HSPA12A: variants seen among roughly 807,000 people sequenced by gnomAD.
HSPA12A encodes the protein heat shock 70 kDa protein 12A.
A neutral mutation model predicts 69.2 loss-of-function variants in HSPA12A; 28 were observed. The ratio of observed to expected loss-of-function variants is 0.40; its 90% CI spans 0.30 to 0.55. The LOEUF (loss-of-function observed/expected upper bound fraction) is 0.55, where lower values mean the gene tolerates loss of function less well. Among genes scored for constraint, HSPA12A ranks in the 20% least tolerant of loss-of-function variants. The pLI is 0.38. For missense variants in HSPA12A, 686 were observed against 900.7 expected (o/e 0.76, Z 3.05); for synonymous variants, 345 against 370.5 (o/e 0.93, Z 0.79).
intron 2 of HSPA12A, among the ~76,000 whole-genome samples, chr10:116,791,837 A>G (rs1844707310): frequency 6.6e-6 from 1 of 151,176 alleles, no homozygotes; most frequent in African/African-American, 2.4e-5. Flanking sequence ...AGAATCTTCC[A>G]TCTCGGTAAA....
At chr10:116,698,817 G>T in intron 4 of HSPA12A, 78 bp from the exon 5 acceptor site, 1 of 1,150,148 alleles carries the variant, frequency 8.7e-7, no homozygotes. Context: ...ACTGCTCCAA[G>T]GGGACCTAGA....
intron 1 of HSPA12A, chr10:116,849,480 G>A: frequency 1.4e-6 from 2 of 1,421,150 alleles, no homozygotes; most frequent in South Asian, 1.6e-5. Context: ...AGATCTGGGG[G>A]TCGGGATCAC....
intron 1 of HSPA12A, among the ~76,000 whole-genome samples, chr10:116,838,426 G>A (rs915792850): frequency 6.6e-6 from 1 of 151,114 alleles, no homozygotes; most frequent in African/African-American, 2.5e-5. Context: ...ATTTCTGGAG[G>A]GGGGGAAAAC....
At chr10:116,718,006 CA>C (rs1850659992) in intron 1 of HSPA12A, among the ~76,000 whole-genome samples, 1 of 152,144 alleles carries the variant, frequency 6.6e-6, no homozygotes, top group Non-Finnish European at 1.5e-5. Context: ...GCCATATGAC[CA>C]CAGCTTGAGC....
intron 2 of HSPA12A, among the ~76,000 whole-genome samples, chr10:116,809,025 G>A (rs577701434): frequency 2.0e-5 from 3 of 152,240 alleles, no homozygotes; most frequent in Admixed American, 1.3e-4. Flanking sequence ...CTTCCTAGAG[G>A]GCTGTCCTAT....
chr10:116,812,050 G>A (rs1168024897), intron 2 of HSPA12A, among the ~76,000 whole-genome samples: 1 of 152,200 alleles, frequency 6.6e-6, no homozygotes, highest in Admixed American at 6.5e-5. Flanking sequence ...GGCTGAGTGG[G>A]AGACGGAGAG....
chr10:116,700,968 A>C lies in HSPA12A; in HGVS notation c.416T>G (p.Phe139Cys), dbSNP rs1850062727. 6.2e-7 allele frequency: 1 copy of C among 1,613,780 alleles called. No individual in the cohort carries two copies. The highest frequency in any genetic ancestry group is 8.5e-7 in the Non-Finnish European group (1 of 1,179,998). ...EAKQWLYLEK[F>C]KMKLHTTGDL... ...CCCAGTGGTGTGCAGCTTCATCTTG[A>C]ACTTCTCCAGGTACAGCCACTGCTT... Residue 139 changes from phenylalanine to cysteine, a missense_variant, in exon 4 of 12, where the codon TTC (phenylalanine) becomes TGC (cysteine). Coordinates refer to ENST00000369209, the MANE Select transcript of HSPA12A (RefSeq NM_025015.3).
intron 1 of HSPA12A, among the ~76,000 whole-genome samples, chr10:116,734,431 T>C (rs11197807): frequency 0.012 from 1,561 of 128,220 alleles, 12 homozygotes; most frequent in Non-Finnish European, 0.019. Flanking sequence ...GCTTGGGCAA[T>C]AGAGCGAGAC....
chr10:116,803,660 G>A (rs984762952), intron 2 of HSPA12A, among the ~76,000 whole-genome samples: 2 of 152,170 alleles, frequency 1.3e-5, no homozygotes, highest in Admixed American at 6.5e-5. Flanking sequence ...GGGAATGATC[G>A]GAGCGTGAAC....
In HSPA12A at chr10:116,706,957, C is replaced by T. The variant is rs562477210; in HGVS notation, c.126+243G>A. ...CCCACCCAGGCCCCTGCTCCAGAAGCACTAGCCACAGCACAGAAAGCCTTC... is the reference window on the plus strand; with the variant it reads ...CCCACCCAGGCCCCTGCTCCAGAAGTACTAGCCACAGCACAGAAAGCCTTC... On this transcript the variant is annotated intron_variant, in intron 2 of 11. Transcript: ENST00000369209. Among the ~76,000 whole-genome samples, 6 of 152,320 alleles carry T rather than the reference C, an allele frequency of 3.9e-5. No homozygotes were observed. In the South Asian group the frequency reaches 1.2e-3, roughly 32 times the overall value.
chr10:116,726,027 G>GCGCGCGCACACACACA lies in HSPA12A; in HGVS notation c.40+16402_40+16403insTGTGTGTGTGCGCGCG, dbSNP rs140160132. Among the ~76,000 whole-genome samples the GCGCGCGCACACACACA allele has an allele frequency of 6.8e-4, 100 of 146,220 alleles. 1 individual carries two copies. The South Asian group carries it at 0.015, about 22-fold the overall frequency. On this transcript the variant is annotated intron_variant, in intron 1 of 11. Coordinates refer to ENST00000369209, the MANE Select transcript of HSPA12A (RefSeq NM_025015.3). ...ACAAGGTTTAGACACACACACACAC[G>GCGCGCGCACACACACA]CACACACACACACACACACACACAC... is the stretch of plus-strand genomic sequence containing the variant.
chr10:116,764,202 T>C (rs1276155943), intron 2 of HSPA12A, among the ~76,000 whole-genome samples: 5 of 152,228 alleles, frequency 3.3e-5, no homozygotes, highest in African/African-American at 1.2e-4. Context: ...CATAGCTGCA[T>C]GTATTATAGA....
At chr10:116,789,730 G>A (rs1178675457) in intron 2 of HSPA12A, among the ~76,000 whole-genome samples, 1 of 152,162 alleles carries the variant, frequency 6.6e-6, no homozygotes, top group African/African-American at 2.4e-5. Context: ...ACGTCGTAGA[G>A]TGAAGCTGAC....
At chr10:116,778,654 C>T (rs1327013333) in intron 2 of HSPA12A, among the ~76,000 whole-genome samples, 1 of 152,220 alleles carries the variant, frequency 6.6e-6, no homozygotes, top group Non-Finnish European at 1.5e-5. Context: ...TAAATCCCAG[C>T]ATGTTGGGAG....
At chr10:116,777,741 G>A (rs747872373) in intron 2 of HSPA12A, among the ~76,000 whole-genome samples, 2 of 152,202 alleles carry the variant, frequency 1.3e-5, no homozygotes, top group Non-Finnish European at 2.9e-5. Context: ...AGTTTGTTTT[G>A]TTTTGAGACG....
At chr10:116,773,253 G>T (rs764008436) in intron 2 of HSPA12A, among the ~76,000 whole-genome samples, 2 of 152,208 alleles carry the variant, frequency 1.3e-5, no homozygotes, top group Admixed American at 6.5e-5. Flanking sequence ...GAACTGGCCT[G>T]GGATGAGGCC....
chr10:116,713,816 A>C (rs1172290614), intron 1 of HSPA12A, among the ~76,000 whole-genome samples: 1 of 152,116 alleles, frequency 6.6e-6, no homozygotes, highest in Non-Finnish European at 1.5e-5. Context: ...TCAACCTTAC[A>C]GCCCTTCCCT....
intron 1 of HSPA12A, among the ~76,000 whole-genome samples, chr10:116,843,469 G>A (rs1225136243): frequency 6.6e-6 from 1 of 152,116 alleles, no homozygotes; most frequent in Non-Finnish European, 1.5e-5. Context: ...AATCTGACAT[G>A]GATTTTTTAA....
intron 2 of HSPA12A, 68 bp from the exon 3 acceptor site, chr10:116,705,346 G>T: frequency 6.4e-7 from 1 of 1,574,356 alleles, no homozygotes; most frequent in Non-Finnish European, 8.7e-7. Context: ...GACACCCCTG[G>T]GGGGTCTCAC....
Sources: gnomAD v4.1 joint callset for allele counts (sites outside exome capture counted in the v4.1 genomes callset) on GRCh38, gnomAD v4.1.1 for gene constraint, MANE v1.5 for transcripts, NCBI Gene and HGNC (gene_info 2026-07-23, HGNC 2026-07-21) for gene names.